RALYL: variants seen among roughly 807,000 people sequenced by gnomAD.
The protein encoded by RALYL is RNA-binding Raly-like protein.
In RALYL, 29 loss-of-function variants were observed where a neutral mutation model predicts 35.1. The ratio of observed to expected loss-of-function variants is 0.83; its 90% CI spans 0.61 to 1.13. The LOEUF is 1.13. Ranked by LOEUF, RALYL falls within the 50% of genes most tolerant of loss-of-function variation. RALYL has a pLI of 0.00. For missense variants in RALYL, 359 were observed against 360.4 expected (o/e 1.00, Z 0.03); for synonymous variants, 120 against 127.6 (o/e 0.94, Z 0.40).
intron 2 of RALYL, among the ~76,000 whole-genome samples, chr8:84,728,772 A>G (rs1845523678): frequency 6.6e-6 from 1 of 152,140 alleles, no homozygotes; most frequent in Admixed American, 6.6e-5. Flanking sequence ...TTTGTCAAAG[A>G]TAAGATAATT....
chr8:84,890,042 C>G (rs535389631), intron 8 of RALYL, among the ~76,000 whole-genome samples: 22 of 152,194 alleles, frequency 1.4e-4, no homozygotes, highest in Non-Finnish European at 2.9e-4. Context: ...TATAAACTAT[C>G]TGTCAGATAA....
At chr8:84,769,730 C>T (rs113112426) in intron 2 of RALYL, among the ~76,000 whole-genome samples, 22 of 150,734 alleles carry the variant, frequency 1.5e-4, no homozygotes, top group Non-Finnish European at 2.8e-4. Context: ...GAGTGAGACT[C>T]TGTCTCAGAG....
chr8:84,695,666 G>T (rs1167297631), intron 2 of RALYL, among the ~76,000 whole-genome samples: 7 of 151,760 alleles, frequency 4.6e-5, no homozygotes, highest in Non-Finnish European at 7.4e-5. Context: ...AAGTAATGAG[G>T]TATAGAATTC....
At chr8:84,338,098 G>A (rs569448210) in intron 1 of RALYL, among the ~76,000 whole-genome samples, 1 of 151,878 alleles carries the variant, frequency 6.6e-6, no homozygotes, top group East Asian at 1.9e-4. Context: ...TGAAATAGTT[G>A]TGTTTCTTGT....
At chr8:84,253,220 C>T (rs1225785470) in intron 1 of RALYL, among the ~76,000 whole-genome samples, 6 of 111,980 alleles carry the variant, frequency 5.4e-5, no homozygotes, top group Admixed American at 1.2e-4. Context: ...GACAGAATCT[C>T]GCTCTGTTGC....
intron 1 of RALYL, among the ~76,000 whole-genome samples, chr8:84,520,589 G>A (rs1378038772): frequency 6.6e-6 from 1 of 152,172 alleles, no homozygotes. Flanking sequence ...TCTGTCACCT[G>A]TTAAGAACAG....
chr8:84,874,074 A>C (rs1840686760), intron 7 of RALYL, among the ~76,000 whole-genome samples: 1 of 152,178 alleles, frequency 6.6e-6, no homozygotes. Flanking sequence ...CCACAGTTTG[A>C]AAAGTGTGCT....
chr8:84,792,519 A>C (rs907341454), intron 3 of RALYL, among the ~76,000 whole-genome samples: 1 of 152,200 alleles, frequency 6.6e-6, no homozygotes, highest in Non-Finnish European at 1.5e-5. Context: ...GTTGCAGGCC[A>C]AAAGGCAAAT....
chr8:84,310,427 A>C (rs764668992), intron 1 of RALYL, among the ~76,000 whole-genome samples: 14 of 152,114 alleles, frequency 9.2e-5, no homozygotes, highest in Non-Finnish European at 1.3e-4. Context: ...ATCATCACAC[A>C]ATGTCTATGT....
At chr8:84,414,300 T>C (rs1201927255) in intron 1 of RALYL, among the ~76,000 whole-genome samples, 1 of 152,320 alleles carries the variant, frequency 6.6e-6, no homozygotes, top group East Asian at 1.9e-4. Context: ...CCTCCTGATG[T>C]CATTCTTCAT....
intron 1 of RALYL, among the ~76,000 whole-genome samples, chr8:84,281,429 G>A (rs1353812182): frequency 6.6e-6 from 1 of 151,840 alleles, no homozygotes. Flanking sequence ...GATAAAAGAT[G>A]TAAGGTTTTA....
At chr8:84,500,996 A>T (rs918790118) in intron 1 of RALYL, among the ~76,000 whole-genome samples, 1 of 152,162 alleles carries the variant, frequency 6.6e-6, no homozygotes, top group Non-Finnish European at 1.5e-5. Flanking sequence ...ACTTGATCAG[A>T]TCATTTCTGT....
At chr8:84,230,960 A>G (rs1182558578) in intron 1 of RALYL, among the ~76,000 whole-genome samples, 2 of 152,216 alleles carry the variant, frequency 1.3e-5, no homozygotes, top group Non-Finnish European at 2.9e-5. Context: ...GTTGCCACAT[A>G]TGTACGGAGC....
intron 8 of RALYL, among the ~76,000 whole-genome samples, chr8:84,912,733 G>A (rs541743767): frequency 4.6e-5 from 7 of 152,170 alleles, no homozygotes; most frequent in Non-Finnish European, 8.8e-5. Flanking sequence ...TTGGGAACAT[G>A]TCATTGCCAA....
At chr8:84,305,481 G>A (rs186754742) in intron 1 of RALYL, among the ~76,000 whole-genome samples, 57 of 152,264 alleles carry the variant, frequency 3.7e-4, no homozygotes, top group Non-Finnish European at 7.1e-4. Flanking sequence ...TTAAAAATTT[G>A]TATAGATTTA....
intron 2 of RALYL, among the ~76,000 whole-genome samples, chr8:84,571,681 C>T (rs1000610451): frequency 6.6e-6 from 1 of 151,184 alleles, no homozygotes; most frequent in Non-Finnish European, 1.5e-5. Flanking sequence ...CCTGTTTTTC[C>T]AGTTTCTTAA....
intron 2 of RALYL, among the ~76,000 whole-genome samples, chr8:84,714,469 A>G (rs1842657767): frequency 6.6e-6 from 1 of 151,610 alleles, no homozygotes; most frequent in African/African-American, 2.4e-5. Flanking sequence ...GCCACTCCAC[A>G]ATATGTACAT....
intron 2 of RALYL, chr8:84,679,356 G>A (rs117804766): frequency 7.4e-6 from 2 of 270,622 alleles, no homozygotes; most frequent in Non-Finnish European, 1.5e-5. Flanking sequence ...ATTGTAAGTA[G>A]TTGAAACCCC....
At chr8:84,402,006 C>T (rs16912790) in intron 1 of RALYL, among the ~76,000 whole-genome samples, 4,302 of 152,182 alleles carry the variant, frequency 0.028, 199 homozygotes, top group African/African-American at 0.098. Context: ...TCAGAGGTCT[C>T]CCTACTTTTT....
Sources: allele counts gnomAD v4.1 joint callset (sites outside exome capture counted in the v4.1 genomes callset), GRCh38; gene constraint gnomAD v4.1.1; transcripts MANE v1.5; gene names NCBI Gene and HGNC (gene_info 2026-07-23, HGNC 2026-07-21).